The following RAB23 variants were observed in gnomAD, a reference collection of about 807,000 sequenced individuals.
RAB23 encodes ras-related protein Rab-23.
RAB23 carries 15 observed loss-of-function variants against 30.0 expected under a neutral mutation model. That is an observed-to-expected ratio of 0.50 (90% confidence interval 0.33 to 0.77). RAB23 has a LOEUF of 0.77. RAB23 is among the 30% of genes least tolerant of loss of function. The pLI, the probability that RAB23 is intolerant of heterozygous loss-of-function variation, is 0.02. For missense variants in RAB23, 243 were observed against 275.4 expected (o/e 0.88, Z 0.83); for synonymous variants, 93 against 94.0 (o/e 0.99, Z 0.06).
intron 1 of RAB23, among the ~76,000 whole-genome samples, chr6:57,216,704 G>T (rs1338286572): frequency 8.1e-5 from 12 of 149,016 alleles, no homozygotes; most frequent in East Asian, 5.9e-4. Context: ...TATTTTTATG[G>T]TTTTTTTTTT....
intron 3 of RAB23, among the ~76,000 whole-genome samples, chr6:57,198,788 TC>T (rs1187185808): frequency 6.6e-6 from 1 of 152,136 alleles, no homozygotes; most frequent in Admixed American, 6.5e-5. Flanking sequence ...ATAGGGTATT[TC>T]CAAGTGTTCA....
chr6:57,217,120 AC>A lies in RAB23; in HGVS notation c.-66+4605del, dbSNP rs535918103. Among the ~76,000 whole-genome samples, 471 of 152,224 alleles carry A rather than the reference AC, an allele frequency of 3.1e-3. 3 individuals are homozygous for A. The highest frequency in any genetic ancestry group is 0.01 in the Middle Eastern group (3 of 292). On this transcript the variant is annotated intron_variant, in intron 1 of 6. Coordinates refer to ENST00000468148, the MANE Select transcript of RAB23 (RefSeq NM_016277.5). The stretch of plus-strand genomic sequence containing the variant: ...AATGGAATCAAACTAGAAATCAATA[AC>A]AGAAAGATAAAACAGGGAAATCTCC...
chr6:57,221,367 C>A (rs1027793506), intron 1 of RAB23: 3 of 152,302 alleles, frequency 2.0e-5, no homozygotes, highest in Non-Finnish European at 4.4e-5. Context: ...GATGGCTCCT[C>A]GGATCTCCGA....
chr6:57,201,744 T>C (rs1175529732), intron 3 of RAB23, among the ~76,000 whole-genome samples: 4 of 152,212 alleles, frequency 2.6e-5, no homozygotes, highest in Non-Finnish European at 5.9e-5. Context: ...AGGAAAAAGA[T>C]ATTTTTCCTC....
intron 4 of RAB23, among the ~76,000 whole-genome samples, chr6:57,195,728 G>A (rs1764997805): frequency 6.6e-6 from 1 of 152,202 alleles, no homozygotes; most frequent in Admixed American, 6.5e-5. Flanking sequence ...TCCAGCACCA[G>A]TGTAGCCTTT....
chr6:57,205,155 CATAT>C (rs1286934270), intron 3 of RAB23, among the ~76,000 whole-genome samples: 1 of 150,942 alleles, frequency 6.6e-6, no homozygotes, highest in Middle Eastern at 3.5e-3. Context: ...TATATACACA[CATAT>C]ATACACACTA....
At chr6:57,208,057 G>C (rs1170029251) in intron 2 of RAB23, among the ~76,000 whole-genome samples, 1 of 152,156 alleles carries the variant, frequency 6.6e-6, no homozygotes, top group Non-Finnish European at 1.5e-5. Context: ...AAACCTTCCT[G>C]AGTCAGAGAC....
At chr6:57,195,128 T>C (rs966148041) in intron 4 of RAB23, among the ~76,000 whole-genome samples, 2 of 152,216 alleles carry the variant, frequency 1.3e-5, no homozygotes, top group African/African-American at 4.8e-5. Context: ...TTATACCGTA[T>C]GTGTACATAG....
chr6:57,188,880 C>A lies in RAB23; in HGVS notation c.*1581G>T, dbSNP rs979627961. ...GGACACACCCAGGAAATTTGATTTT[C>A]TCAACATTAGGAGGATGAGGGGAGT... is the stretch of plus-strand genomic sequence containing the variant. On this transcript the variant is annotated 3_prime_UTR_variant, in exon 7 of 7. Transcript: ENST00000468148. 1 of 151,860 alleles carries A rather than the reference C, an allele frequency of 6.6e-6. No individual in the cohort carries two copies. The highest frequency in any genetic ancestry group is 2.4e-5 in the African/African-American group (1 of 41,322). The allele number at this position is 151,860 out of a possible 1,614,324, so 9.4% of individuals were successfully genotyped here. A position where few individuals can be genotyped will look rare whatever the true frequency, so the allele number is the denominator to read the frequency against.
At chr6:57,195,015 G>C (rs1044971608) in intron 4 of RAB23, among the ~76,000 whole-genome samples, 163 bp from the exon 5 acceptor site, 4 of 152,160 alleles carry the variant, frequency 2.6e-5, no homozygotes, top group Admixed American at 6.5e-5. Flanking sequence ...AAAAGAGCTT[G>C]ATATAATTTC....
rs181873164 is a variant in RAB23, at chr6:57,190,462, T to C, written c.713A>G (p.Ter238=). ...RNPFSSCSIP[*] ...CAATTGTTTTCCTCCCAAAACATCT[T>C]AGGGTATGCTACAGCTGCTAAAAGG... The change falls in exon 7 of 7, where the codon TAA becomes TGA. Residue 238 remains the stop codon, a stop_retained_variant. Transcript: ENST00000468148. 3 of 1,614,044 alleles carry C rather than the reference T, an allele frequency of 1.9e-6. No individual in the cohort carries two copies. Among genetic ancestry groups the C allele is most frequent in the Non-Finnish European group, 2.5e-6 (3 of 1,179,918 alleles).
intron 1 of RAB23, among the ~76,000 whole-genome samples, chr6:57,213,225 C>A (rs767875219): frequency 1.3e-5 from 2 of 152,144 alleles, no homozygotes; most frequent in Admixed American, 6.5e-5. Flanking sequence ...GGAGCTCAGG[C>A]GGTAATGCTC....
In RAB23 at chr6:57,189,649, A is replaced by G. The variant is rs552784139; in HGVS notation, c.*812T>C. 2.0e-5 allele frequency: 3 copies of G among 152,728 alleles called. No homozygotes were observed. The highest frequency in any genetic ancestry group is 7.2e-5 in the African/African-American group (3 of 41,568). The allele number at this position is 152,728 out of a possible 1,614,324, so 9.5% of individuals were successfully genotyped here. On this transcript the variant is annotated 3_prime_UTR_variant, in exon 7 of 7. Transcript: ENST00000468148. ...AAATTCCTATACTCCTCTTTTATCT[A>G]CGCTGTCAGATGAAAACTGCTTACT...
chr6:57,219,363 T>C (rs1441163861), intron 1 of RAB23, among the ~76,000 whole-genome samples: 2 of 152,210 alleles, frequency 1.3e-5, no homozygotes, highest in Non-Finnish European at 2.9e-5. Flanking sequence ...ATCATGTTCA[T>C]AGATTGGGAG....
rs1418976747 is a variant in RAB23 at position 57,188,539 on chromosome 6, AT to A, written c.*1921del. ...TTTCTGCCAATAAAGACAAAAGACTATTTGTTGCAAAGTATTATTTTGTGCA... is the reference window on the plus strand; with the variant it reads ...TTTCTGCCAATAAAGACAAAAGACTATTGTTGCAAAGTATTATTTTGTGCA... On this transcript the variant is annotated 3_prime_UTR_variant, in exon 7 of 7. Transcript: ENST00000468148. 1 of 152,180 alleles carries A rather than the reference AT, an allele frequency of 6.6e-6. No homozygotes were observed. The highest frequency in any genetic ancestry group is 1.5e-5 in the Non-Finnish European group (1 of 68,008). 9.4% of individuals were successfully genotyped at this position (152,180 alleles called of 1,614,324 possible). A position where few individuals can be genotyped will look rare whatever the true frequency, so the allele number is the denominator to read the frequency against.
intron 3 of RAB23, among the ~76,000 whole-genome samples, chr6:57,199,776 A>G (rs1252500229): frequency 6.6e-6 from 1 of 151,714 alleles, no homozygotes; most frequent in Non-Finnish European, 1.5e-5. Flanking sequence ...TTAACCTAAA[A>G]ATATTACTAA....
At chr6:57,193,985 A>T in intron 5 of RAB23, 51 bp from the exon 6 acceptor site, 2 of 1,580,208 alleles carry the variant, frequency 1.3e-6, no homozygotes, top group South Asian at 2.3e-5. Context: ...TATGCATGTA[A>T]ATCTGTTATT....
intron 3 of RAB23, among the ~76,000 whole-genome samples, chr6:57,203,010 T>TTTTG (rs1554310984): frequency 1.4e-5 from 2 of 140,930 alleles, no homozygotes; most frequent in Non-Finnish European, 3.1e-5. Flanking sequence ...GTTTTTTTTT[T>TTTTG]TTTTTTTTTT....
In RAB23 at chr6:57,188,448, T is replaced by TAAC. The variant is rs1764696709; in HGVS notation, c.*2010_*2012dup. ...ATTACTTTTTTTAAATATAGAAAGG[T>TAAC]AACACGCTTTTAGCCACACAGCTAA... On this transcript the variant is annotated 3_prime_UTR_variant, in exon 7 of 7. Coordinates refer to ENST00000468148, the MANE Select transcript of RAB23 (RefSeq NM_016277.5). 6.6e-6 allele frequency: 1 copy of TAAC among 152,172 alleles called. No individual in the cohort carries two copies. Among genetic ancestry groups the TAAC allele is most frequent in the African/African-American group, 2.4e-5 (1 of 41,458 alleles). 9.4% of individuals were successfully genotyped at this position (152,172 alleles called of 1,614,324 possible).
Sources: gnomAD v4.1 joint callset for allele counts (sites outside exome capture counted in the v4.1 genomes callset) on GRCh38, gnomAD v4.1.1 for gene constraint, MANE v1.5 for transcripts, NCBI Gene and HGNC (gene_info 2026-07-23, HGNC 2026-07-21) for gene names.